The following NHSL1 variants were observed in gnomAD, a reference collection of about 807,000 sequenced individuals.
The protein encoded by NHSL1 is NHS-like protein 1.
In NHSL1, 48 loss-of-function variants were observed where a neutral mutation model predicts 95.0. The ratio of observed to expected loss-of-function variants is 0.51; its 90% CI spans 0.40 to 0.64. The LOEUF is 0.64. NHSL1 is among the 30% of genes least tolerant of loss of function. NHSL1 has a pLI of 0.00. For synonymous variants in NHSL1, 783 were observed against 833.9 expected, an observed-to-expected ratio of 0.94 and a Z score of 1.05; for missense variants, 1,971 against 2,077.7, an observed-to-expected ratio of 0.95 and a Z score of 1.00.
chr6:138,537,072 C>T (rs1360927927), intron 1 of NHSL1, among the ~76,000 whole-genome samples: 1 of 152,238 alleles, frequency 6.6e-6, no homozygotes, highest in Non-Finnish European at 1.5e-5. Context: ...AGATTTCTCT[C>T]TTCCTGATGT....
intron 1 of NHSL1, among the ~76,000 whole-genome samples, chr6:138,641,495 C>T (rs1388479272): frequency 2.0e-5 from 3 of 151,986 alleles, no homozygotes; most frequent in Non-Finnish European, 2.9e-5. Context: ...GAAAGTCAAA[C>T]TGAATAAAGA....
At chr6:138,446,493 T>C (rs945789078) in intron 4 of NHSL1, among the ~76,000 whole-genome samples, 4 of 152,194 alleles carry the variant, frequency 2.6e-5, no homozygotes, top group Admixed American at 1.3e-4. Context: ...ATTTGTAGTC[T>C]AGCTTAATAT....
chr6:138,445,593 A>G (rs1776813694), intron 4 of NHSL1, among the ~76,000 whole-genome samples: 1 of 152,206 alleles, frequency 6.6e-6, no homozygotes, highest in African/African-American at 2.4e-5. Context: ...TTAAATTTCT[A>G]TGGAATTTAA....
intron 1 of NHSL1, among the ~76,000 whole-genome samples, chr6:138,683,344 C>G (rs866889456): frequency 1.3e-5 from 2 of 152,360 alleles, no homozygotes; most frequent in Middle Eastern, 3.4e-3. Flanking sequence ...GCACGGCCTC[C>G]TGCAGACTGG....
rs563193755 is a variant in NHSL1 at position 138,432,565 on chromosome 6, C to T, written c.1780G>A (p.Glu594Lys). Residue 594 changes from glutamate to lysine, a missense_variant, in exon 6 of 8, where the codon GAG becomes AAG. Around this residue, in one of 3 missense-constraint regions of NHSL1, gnomAD observed 1,602 missense variants for 1,654.5 expected, o/e 0.97. Transcript: ENST00000343505. This position sits in a 1 kb window ranked among gnomAD's most constrained non-coding sequence, Gnocchi z 4.4. ...SCSLDQTSNK[E>K]DAGSLYSEDH... is the part of the protein sequence containing the mutation. ...TCAGAATACAGCGACCCAGCATCCT[C>T]TTTGTTGGACGTTTGGTCCAAACTG... 6.4e-7 allele frequency: 1 copy of T among 1,551,986 alleles called. No homozygotes were observed. The highest frequency in any genetic ancestry group is 8.7e-7 in the Non-Finnish European group (1 of 1,147,036).
chr6:138,462,556 C>A (rs1778067584), intron 3 of NHSL1, among the ~76,000 whole-genome samples: 1 of 152,138 alleles, frequency 6.6e-6, no homozygotes, highest in Non-Finnish European at 1.5e-5. Flanking sequence ...TTGGTGGGGA[C>A]AAACTCCATC....
chr6:138,450,836 C>T (rs17067611), intron 3 of NHSL1, among the ~76,000 whole-genome samples: 34,279 of 152,038 alleles, frequency 0.23, 5,126 homozygotes, highest in African/African-American at 0.43. Flanking sequence ...TTCATGCCTC[C>T]CAGTGTGTAT....
chr6:138,472,635 A>G (rs1424917916), intron 3 of NHSL1, among the ~76,000 whole-genome samples: 1 of 152,242 alleles, frequency 6.6e-6, no homozygotes, highest in Non-Finnish European at 1.5e-5. Flanking sequence ...TACTTAGTAA[A>G]TGAAAATAAA....
chr6:138,529,122 C>T (rs745536609), intron 1 of NHSL1, among the ~76,000 whole-genome samples: 14 of 152,124 alleles, frequency 9.2e-5, no homozygotes, highest in Non-Finnish European at 1.8e-4. Context: ...TTGATGTCTC[C>T]GCTGGGGCCT....
In NHSL1 at chr6:138,432,823, T is replaced by C. The variant is rs1006701785; in HGVS notation, c.1522A>G (p.Asn508Asp). 2.6e-6 allele frequency: 4 copies of C among 1,551,594 alleles called. No individual in the cohort carries two copies. Among genetic ancestry groups the C allele is most frequent in the Non-Finnish European group, 2.6e-6 (3 of 1,146,936 alleles). The change falls in exon 6 of 8, where the codon AAT becomes GAT. Residue 508 changes from asparagine to aspartate, a missense_variant. Physicochemically the swap from Asn to Asp is conservative, Grantham distance 23 (BLOSUM62 1). Transcript: ENST00000343505. The surrounding 1 kb of genome is among the most constrained non-coding windows in gnomAD (Gnocchi z 4.4). ...DSAVPLNAPA[N>D]RENGSQAMPY... is the part of the protein sequence containing the mutation. The stretch of plus-strand genomic sequence containing the variant: ...ATAGCTTGGGACCCATTCTCCCTAT[T>C]TGCTGGAGCATTTAGAGGGACGGCT...
At chr6:138,660,792 C>CAAAA (rs1175314557) in intron 1 of NHSL1, among the ~76,000 whole-genome samples, 1 of 82,456 alleles carries the variant, frequency 1.2e-5, no homozygotes, top group Non-Finnish European at 2.6e-5. Context: ...CCTGTCTCTA[C>CAAAA]AAAAAAAAAA....
chr6:138,436,266 G>A (rs1036082162), intron 5 of NHSL1, among the ~76,000 whole-genome samples: 3 of 152,198 alleles, frequency 2.0e-5, no homozygotes, highest in Non-Finnish European at 4.4e-5. Flanking sequence ...AGCTGTGACT[G>A]CAAAGGAAAA....
intron 1 of NHSL1, among the ~76,000 whole-genome samples, chr6:138,539,652 G>C (rs1782501445): frequency 6.6e-6 from 1 of 152,206 alleles, no homozygotes; most frequent in East Asian, 1.9e-4. Context: ...TGGAACAGGA[G>C]ATATTAAAAT....
rs1239993746 is a variant in NHSL1, at chr6:138,668,652, G to T, written c.96+23824C>A. 8.0e-5 allele frequency among the ~76,000 whole-genome samples: 11 copies of T among 137,760 alleles called. No homozygotes were observed. In the East Asian group the frequency reaches 2.1e-3, roughly 26 times the overall value. 90.4% of individuals were successfully genotyped at this position (137,760 alleles called of 152,430 possible). A position where few individuals can be genotyped will look rare whatever the true frequency, so the allele number is the denominator to read the frequency against. Reference sequence around the variant, plus strand: ...TTTTTTTTTTTTTTTTTGAGACAGAGTCTTGCTCTGTAGCCAGGCTGGAGT... The same window carrying T: ...TTTTTTTTTTTTTTTTTGAGACAGATTCTTGCTCTGTAGCCAGGCTGGAGT... On this transcript the variant is annotated intron_variant, in intron 1 of 3. Coordinates refer to the NHSL1 transcript ENST00000491526.
chr6:138,554,268 C>T (rs1783114829), intron 1 of NHSL1, among the ~76,000 whole-genome samples: 2 of 152,196 alleles, frequency 1.3e-5, no homozygotes, highest in South Asian at 2.1e-4. Flanking sequence ...TCAACGTGCT[C>T]CCTGATAAAC....
chr6:138,594,002 T>A (rs2114534660), intron 1 of NHSL1, among the ~76,000 whole-genome samples: 1 of 152,306 alleles, frequency 6.6e-6, no homozygotes, highest in Admixed American at 6.5e-5. Flanking sequence ...GCAAATAAGC[T>A]TAGGGCAAAC....
intron 1 of NHSL1, among the ~76,000 whole-genome samples, chr6:138,514,574 G>A (rs1781381264): frequency 6.6e-6 from 1 of 152,038 alleles, no homozygotes; most frequent in Non-Finnish European, 1.5e-5. Flanking sequence ...GTATACTATA[G>A]TAAAAGTTAT....
intron 1 of NHSL1, among the ~76,000 whole-genome samples, chr6:138,522,847 A>C (rs1781741249): frequency 6.6e-6 from 1 of 152,072 alleles, no homozygotes; most frequent in Non-Finnish European, 1.5e-5. Flanking sequence ...AGCTCTCTTA[A>C]TTTGTTTGAG....
At chr6:138,573,381 G>A (rs946939892), upstream of NHSL1, among the ~76,000 whole-genome samples, 1 of 152,192 alleles carries the variant, frequency 6.6e-6, no homozygotes, top group Admixed American at 6.5e-5. Context: ...AATAAGCAAC[G>A]AGTAGAGAAC....
Sources: allele counts gnomAD v4.1 joint callset (sites outside exome capture counted in the v4.1 genomes callset), GRCh38; gene constraint gnomAD v4.1.1; regional missense constraint gnomAD v4.1.1; non-coding constraint Gnocchi (gnomAD v3.1); transcripts MANE v1.5; gene names NCBI Gene and HGNC (gene_info 2026-07-23, HGNC 2026-07-21).